The following CPQ variants were observed in gnomAD, a reference collection of about 807,000 sequenced individuals.
The protein encoded by CPQ is Ser-Met dipeptidase.
Under a neutral mutation model 45.7 loss-of-function variants are expected in CPQ, and 37 were observed. That is an observed-to-expected ratio of 0.81 (90% confidence interval 0.62 to 1.07). The LOEUF (loss-of-function observed/expected upper bound fraction) is 1.07. CPQ is among the 50% of genes least tolerant of loss of function. CPQ has a pLI of 0.00. For synonymous variants in CPQ, 186 were observed against 205.8 expected, an observed-to-expected ratio of 0.90 and a Z score of 0.82; for missense variants, 537 against 572.9, an observed-to-expected ratio of 0.94 and a Z score of 0.64.
intron 1 of CPQ, among the ~76,000 whole-genome samples, chr8:96,734,439 C>A (rs1029287722): frequency 6.6e-6 from 1 of 152,092 alleles, no homozygotes; most frequent in African/African-American, 2.4e-5. Flanking sequence ...AGGCTGGGCG[C>A]GGTGGGTCAC....
intron 6 of CPQ, among the ~76,000 whole-genome samples, chr8:97,054,815 G>T (rs11988993): frequency 2.1e-4 from 32 of 152,158 alleles, no homozygotes; most frequent in African/African-American, 7.7e-4. Flanking sequence ...CTACCTATTG[G>T]GTATAATGTA....
chr8:96,692,638 C>T (rs1563470643), intron 1 of CPQ, among the ~76,000 whole-genome samples: 1 of 152,188 alleles, frequency 6.6e-6, no homozygotes, highest in Non-Finnish European at 1.5e-5. Context: ...TAGGTGTCCC[C>T]TAATGCAGAT....
At chr8:96,769,080 C>T (rs1218472279) in intron 1 of CPQ, among the ~76,000 whole-genome samples, 1 of 152,192 alleles carries the variant, frequency 6.6e-6, no homozygotes, top group Non-Finnish European at 1.5e-5. Context: ...TGCACTTCAT[C>T]TGATTCAAGG....
At chr8:96,745,696 T>G (rs1239478221) in intron 1 of CPQ, among the ~76,000 whole-genome samples, 1 of 152,178 alleles carries the variant, frequency 6.6e-6, no homozygotes, top group Non-Finnish European at 1.5e-5. Context: ...TCTAAAACCC[T>G]TGTTCTTTTT....
rs182340824 is a variant in CPQ at position 96,923,497 on chromosome 8, C to T, written c.850-42438C>T. On this transcript the variant is annotated intron_variant, in intron 4 of 7. Coordinates refer to ENST00000220763, the MANE Select transcript of CPQ (RefSeq NM_016134.4). Reference sequence around the variant, plus strand: ...TCAAATGTCATTTTTTTTCACATGGCTCCAGTCTCAATTCTCCTCTTATTT... The same window carrying T: ...TCAAATGTCATTTTTTTTCACATGGTTCCAGTCTCAATTCTCCTCTTATTT... 3.2e-3 allele frequency among the ~76,000 whole-genome samples: 481 copies of T among 152,144 alleles called. 5 individuals carry two copies. The highest frequency in any genetic ancestry group is 0.011 in the African/African-American group (468 of 41,486).
At chr8:96,926,146 G>T (rs1812871042) in intron 4 of CPQ, among the ~76,000 whole-genome samples, 1 of 152,140 alleles carries the variant, frequency 6.6e-6, no homozygotes, top group Admixed American at 6.5e-5. Context: ...TAGTATTCTG[G>T]CTTAAGTTAC....
chr8:97,115,202 A>C (rs1231656242), intron 7 of CPQ, among the ~76,000 whole-genome samples: 1 of 152,192 alleles, frequency 6.6e-6, no homozygotes, highest in South Asian at 2.1e-4. Flanking sequence ...TGCCTCTTCT[A>C]TTGCACAAAG....
chr8:96,980,971 A>G (rs1163486947), intron 5 of CPQ, among the ~76,000 whole-genome samples: 2 of 152,222 alleles, frequency 1.3e-5, no homozygotes, highest in Admixed American at 1.3e-4. Context: ...CCTAAATAAC[A>G]GTGTGTAGAG....
At chr8:96,646,511 G>C (rs369856844) in intron 1 of CPQ, among the ~76,000 whole-genome samples, 13 of 152,178 alleles carry the variant, frequency 8.5e-5, no homozygotes, top group African/African-American at 3.1e-4. Flanking sequence ...CTGATTTGCA[G>C]GTGACTGAAG....
At chr8:96,798,688 T>C (rs1810967144) in intron 2 of CPQ, among the ~76,000 whole-genome samples, 1 of 151,958 alleles carries the variant, frequency 6.6e-6, no homozygotes, top group Non-Finnish European at 1.5e-5. Flanking sequence ...GGAGAATTTA[T>C]ACTAGTTTTT....
At chr8:96,649,696 G>C (rs1815556955) in intron 1 of CPQ, among the ~76,000 whole-genome samples, 2 of 152,194 alleles carry the variant, frequency 1.3e-5, no homozygotes, top group Admixed American at 1.3e-4. Flanking sequence ...CTTTTCTGTA[G>C]CTGTGCTGTG....
Position 96,908,747 on chromosome 8 carries a change from G to GCGCGCGCACACACA in CPQ, c.849+28743_849+28744insGCGCGCACACACAC, listed in dbSNP as rs149476038. 4.0e-4 allele frequency among the ~76,000 whole-genome samples: 56 copies of GCGCGCGCACACACA among 141,012 alleles called. 1 individual carries two copies. Among genetic ancestry groups the GCGCGCGCACACACA allele is most frequent in the Middle Eastern group, 3.7e-3 (1 of 268 alleles). The allele number at this position is 141,012 out of a possible 152,430, so 92.5% of individuals were successfully genotyped here. A position where few individuals can be genotyped will look rare whatever the true frequency, so the allele number is the denominator to read the frequency against. On this transcript the variant is annotated intron_variant, in intron 4 of 7. Coordinates refer to ENST00000220763, the MANE Select transcript of CPQ (RefSeq NM_016134.4). ...TCTCTTTTCAGTTTTATACACATGC[G>GCGCGCGCACACACA]CACACACACACACACACACACACAC...
intron 1 of CPQ, among the ~76,000 whole-genome samples, chr8:96,730,866 C>CATACATATATATATATATAT (rs56216136): frequency 0.046 from 3,149 of 67,740 alleles, 149 homozygotes; most frequent in Non-Finnish European, 0.06. Flanking sequence ...ACCATACATA[C>CATACATATATATATATATAT]ATATATATAT....
chr8:96,814,378 G>T (rs1014229596), intron 2 of CPQ, among the ~76,000 whole-genome samples: 4 of 152,102 alleles, frequency 2.6e-5, no homozygotes, highest in Non-Finnish European at 5.9e-5. Context: ...ACCAGAAGCT[G>T]GAAAGCCAAA....
intron 7 of CPQ, among the ~76,000 whole-genome samples, chr8:97,136,681 C>T (rs1398576739): frequency 6.6e-6 from 1 of 152,186 alleles, no homozygotes; most frequent in Non-Finnish European, 1.5e-5. Flanking sequence ...TTCTTAAACT[C>T]CAAACCTCCC....
intron 1 of CPQ, among the ~76,000 whole-genome samples, chr8:96,748,727 A>G (rs1810222041): frequency 6.6e-6 from 1 of 152,218 alleles, no homozygotes. Flanking sequence ...AGTATTCCAC[A>G]TATCAATTTA....
At chr8:97,126,639 AT>A (rs1811851823) in intron 7 of CPQ, among the ~76,000 whole-genome samples, 1 of 152,226 alleles carries the variant, frequency 6.6e-6, no homozygotes, top group Non-Finnish European at 1.5e-5. Flanking sequence ...ATTTTAAAAA[AT>A]AACATCAAAG....
At chr8:96,988,884 A>G (rs1347966210) in intron 5 of CPQ, among the ~76,000 whole-genome samples, 1 of 152,232 alleles carries the variant, frequency 6.6e-6, no homozygotes, top group African/African-American at 2.4e-5. Context: ...TTAGTCTTCA[A>G]AGATGACTTT....
At chr8:96,703,831 G>T (rs1320151363) in intron 1 of CPQ, among the ~76,000 whole-genome samples, 1 of 152,152 alleles carries the variant, frequency 6.6e-6, no homozygotes. Context: ...TCAAGAATCT[G>T]TAAGGGGATT....
Sources: allele counts gnomAD v4.1 joint callset (sites outside exome capture counted in the v4.1 genomes callset), GRCh38; gene constraint gnomAD v4.1.1; transcripts MANE v1.5; gene names NCBI Gene and HGNC (gene_info 2026-07-23, HGNC 2026-07-21).